The following SPR variants were observed in gnomAD, a reference collection of about 807,000 sequenced individuals.
SPR encodes Sepiapterin reductase (L-erythro-7,8-dihydrobiopterin forming).
Under a neutral mutation model 16.0 loss-of-function variants are expected in SPR, and 12 were observed. That is an observed-to-expected ratio of 0.75 (90% CI 0.48 to 1.22). The LOEUF (loss-of-function observed/expected upper bound fraction) is 1.22. Among genes scored for constraint, SPR ranks in the 50% most tolerant of loss-of-function variants. The pLI, the probability that SPR is intolerant of heterozygous loss-of-function variation, is 0.00. For missense variants in SPR, 324 were observed against 344.4 expected (o/e 0.94, Z 0.47); for synonymous variants, 177 against 168.5 (o/e 1.05, Z -0.39).
At chr2:72,888,794 G>A (rs1440018730) in intron 2 of SPR, among the ~76,000 whole-genome samples, 190 bp downstream of exon 2, 2 of 152,216 alleles carry the variant, frequency 1.3e-5, no homozygotes, top group Non-Finnish European at 2.9e-5. Flanking sequence ...GGGGATACTG[G>A]TAGAGAGTGA....
rs1178970708 is a variant in SPR, at chr2:72,887,482, G to T, written c.50G>T (p.Arg17Leu). ...RAVCLLTGAS[R>L]GFGRTLAPLL... Reference sequence around the variant, plus strand: ...GTGTGCTTGCTGACCGGGGCCTCCCGCGGCTTCGGCCGGACGCTGGCCCCG... The same window carrying T: ...GTGTGCTTGCTGACCGGGGCCTCCCTCGGCTTCGGCCGGACGCTGGCCCCG... The change falls in exon 1 of 3, where the codon CGC becomes CTC. Residue 17 changes from arginine (R) to leucine (L), a missense_variant. Transcript: ENST00000234454. 3 of 1,503,416 alleles carry T rather than the reference G, an allele frequency of 2.0e-6. No homozygotes were observed. Among genetic ancestry groups the T allele is most frequent in the Non-Finnish European group, 1.8e-6 (2 of 1,132,112 alleles). 93.1% of individuals were successfully genotyped at this position (1,503,416 alleles called of 1,614,324 possible).
At position 72,891,511 on chromosome 2, in the gene SPR, G is replaced by C; in HGVS notation, c.760G>C (p.Ala254Pro). ...GGAAAAGGACGAGTTCAAGTCTGGA[G>C]CCCACGTGGACTTCTATGACAAATA... is the stretch of plus-strand genomic sequence containing the variant. Reference protein sequence around the residue: ...LLEKDEFKSGAHVDFYDK With the variant: ...LLEKDEFKSGPHVDFYDK The change falls in exon 3 of 3, where the codon GCC (alanine) becomes CCC (proline). Residue 254 changes from alanine to proline, a missense_variant. Physicochemically the swap from Ala to Pro is conservative, Grantham distance 27. Coordinates refer to ENST00000234454, the MANE Select transcript of SPR (RefSeq NM_003124.5). 1.2e-6 allele frequency: 2 copies of C among 1,614,228 alleles called. No individual in the cohort carries two copies. The highest frequency in any genetic ancestry group is 1.7e-6 in the Non-Finnish European group (2 of 1,180,036).
intron 1 of SPR, 46 bp downstream of exon 1, chr2:72,887,782 T>C: frequency 6.9e-7 from 1 of 1,454,364 alleles, no homozygotes; most frequent in Admixed American, 2.6e-5. Context: ...AGCGCCCACT[T>C]CCTCCACCGC....
intron 2 of SPR, 67 bp from the exon 3 acceptor site, chr2:72,891,280 C>T: frequency 6.4e-7 from 1 of 1,571,690 alleles, no homozygotes; most frequent in Non-Finnish European, 8.7e-7. Context: ...CGACATAAAA[C>T]AGGGACCTGA....
intron 1 of SPR, 131 bp from the exon 2 acceptor site, chr2:72,888,183 C>A: frequency 1.1e-6 from 1 of 939,710 alleles, no homozygotes. Context: ...AGAGAGAAGC[C>A]TCTTCAGAAG....
At chr2:72,887,774 C>T in intron 1 of SPR, 38 bp downstream of exon 1, 2 of 1,462,284 alleles carry the variant, frequency 1.4e-6, no homozygotes, top group South Asian at 1.3e-5. Flanking sequence ...CCCATGTGAG[C>T]GCCCACTTCC....
intron 1 of SPR, 70 bp from the exon 2 acceptor site, chr2:72,888,244 G>A (rs901706389): frequency 4.7e-6 from 7 of 1,502,136 alleles, no homozygotes; most frequent in Non-Finnish European, 6.5e-6. Context: ...ATATCTGGAG[G>A]AACTTGGGAG....
intron 2 of SPR, 146 bp from the exon 3 acceptor site, chr2:72,891,201 C>A: frequency 1.2e-6 from 1 of 853,006 alleles, no homozygotes; most frequent in Non-Finnish European, 1.9e-6. Context: ...GAGCCTTTGG[C>A]AACCCTGACC....
intron 2 of SPR, among the ~76,000 whole-genome samples, chr2:72,890,876 T>C (rs375767508): frequency 6.6e-6 from 1 of 152,132 alleles, no homozygotes; most frequent in East Asian, 1.9e-4. Context: ...AGAATGAGTT[T>C]AGTAGAGGGC....
chr2:72,888,176 G>C lies in SPR; in HGVS notation c.305-138G>C, dbSNP rs1670570035. On this transcript the variant is annotated intron_variant, in intron 1 of 2. Transcript: ENST00000234454. ...TGTCTTTCCGCAGAGCTGGGGAAGA[G>C]AGAAGCCTCTTCAGAAGCGCTAGGC... is the stretch of plus-strand genomic sequence containing the variant. 1.1e-5 allele frequency: 10 copies of C among 889,814 alleles called. No individual in the cohort carries two copies. In the South Asian group the frequency reaches 1.4e-4, roughly 12 times the overall value. The allele number at this position is 889,814 out of a possible 1,614,324, so 55.1% of individuals were successfully genotyped here. A position where few individuals can be genotyped will look rare whatever the true frequency, so the allele number is the denominator to read the frequency against.
In SPR at chr2:72,891,621, A is replaced by G; in HGVS notation, c.*84A>G. 6.6e-7 allele frequency: 1 copy of G among 1,504,778 alleles called. No individual in the cohort carries two copies. Among genetic ancestry groups the G allele is most frequent in the South Asian group, 1.2e-5 (1 of 86,598 alleles). The allele number at this position is 1,504,778 out of a possible 1,614,324, so 93.2% of individuals were successfully genotyped here. A position where few individuals can be genotyped will look rare whatever the true frequency, so the allele number is the denominator to read the frequency against. On this transcript the variant is annotated 3_prime_UTR_variant, in exon 3 of 3. Transcript: ENST00000234454. ...CCTGTGGCTCCCCACACCCTGCCAT[A>G]GGGGCAGTCCTGCCTTACACATAGA...
At position 72,891,870 on chromosome 2, in the gene SPR, G is replaced by T. The variant is rs921028350; in HGVS notation, c.*333G>T. 5 of 376,902 alleles carry T rather than the reference G, an allele frequency of 1.3e-5. No homozygotes were observed. The highest frequency in any genetic ancestry group is 2.1e-5 in the African/African-American group (1 of 48,598). 23.3% of individuals were successfully genotyped at this position (376,902 alleles called of 1,614,324 possible). A position where few individuals can be genotyped will look rare whatever the true frequency, so the allele number is the denominator to read the frequency against. On this transcript the variant is annotated 3_prime_UTR_variant, in exon 3 of 3. Transcript: ENST00000234454. ...CAGAAGAGAGGAGGTTGTGTCTCTT[G>T]CTCATAGCAAGCCTGTGGGTAGAGG...
intron 1 of SPR, 122 bp downstream of exon 1, chr2:72,887,858 TC>T: frequency 8.9e-7 from 1 of 1,123,848 alleles, no homozygotes; most frequent in Non-Finnish European, 1.2e-6. Context: ...CCCTAGTTGT[TC>T]CAGCTTGAGT....
chr2:72,891,206 C>A, intron 2 of SPR, 141 bp from the exon 3 acceptor site: 1 of 899,110 alleles, frequency 1.1e-6, no homozygotes, highest in Non-Finnish European at 1.8e-6. Context: ...TTTGGCAACC[C>A]TGACCACACA....
At chr2:72,887,876 T>G in intron 1 of SPR, 140 bp downstream of exon 1, 1 of 947,508 alleles carries the variant, frequency 1.1e-6, no homozygotes. Context: ...GAGTAGCAAG[T>G]GGAGGCGAGG....
chr2:72,891,186 A>C (rs1670616779), intron 2 of SPR, among the ~76,000 whole-genome samples, 161 bp from the exon 3 acceptor site: 1 of 152,090 alleles, frequency 6.6e-6, no homozygotes, highest in Non-Finnish European at 1.5e-5. Flanking sequence ...GATGGTGACA[A>C]ATTGGAGCCT....
At chr2:72,887,907 C>G (rs1670566092) in intron 1 of SPR, among the ~76,000 whole-genome samples, 171 bp downstream of exon 1, 1 of 152,202 alleles carries the variant, frequency 6.6e-6, no homozygotes, top group Non-Finnish European at 1.5e-5. Flanking sequence ...GACTCGGTGC[C>G]GTCGGGACAA....
Position 72,887,423 on chromosome 2 carries a change from G to A in SPR, c.-10G>A. ...CTCGGGTGCCAGCGCCGCCGGCGGA[G>A]AACAGGAGCATGGAGGGCGGGCTGG... On this transcript the variant is annotated 5_prime_UTR_variant, in exon 1 of 3. Coordinates refer to ENST00000234454, the MANE Select transcript of SPR (RefSeq NM_003124.5). 1 of 1,483,614 alleles carries A rather than the reference G, an allele frequency of 6.7e-7. No individual in the cohort carries two copies. 91.9% of individuals were successfully genotyped at this position (1,483,614 alleles called of 1,614,324 possible). A position where few individuals can be genotyped will look rare whatever the true frequency, so the allele number is the denominator to read the frequency against.
Position 72,887,702 on chromosome 2 carries a change from G to A in SPR, c.270G>A (p.Lys90=). The A allele has an allele frequency of 1.3e-6, 2 of 1,507,606 alleles. No homozygotes were observed. Among genetic ancestry groups the A allele is most frequent in the Non-Finnish European group, 1.8e-6 (2 of 1,134,634 alleles). The allele number at this position is 1,507,606 out of a possible 1,614,324, so 93.4% of individuals were successfully genotyped here. The part of the protein sequence containing the change: ...LGALRELPRP[K]GLQRLLLINN... Reference sequence around the variant, plus strand: ...CCCTGCGCGAGCTCCCCCGGCCCAAGGGGCTGCAGCGACTGCTGCTTATCA... The same window carrying A: ...CCCTGCGCGAGCTCCCCCGGCCCAAAGGGCTGCAGCGACTGCTGCTTATCA... Residue 90 remains lysine (K), a synonymous_variant, in exon 1 of 3, where the codon AAG becomes AAA. Transcript: ENST00000234454.
Sources: allele counts gnomAD v4.1 joint callset (sites outside exome capture counted in the v4.1 genomes callset), GRCh38; gene constraint gnomAD v4.1.1; transcripts MANE v1.5; gene names NCBI Gene and HGNC (gene_info 2026-07-23, HGNC 2026-07-21).